NABP1: variants seen among roughly 807,000 people sequenced by gnomAD.
The protein encoded by NABP1 is SOSS complex subunit B2.
A neutral mutation model predicts 25.0 loss-of-function variants in NABP1; 18 were observed. The observed-to-expected ratio is 0.72, with a 90% CI of 0.50 to 1.07. The LOEUF (loss-of-function observed/expected upper bound fraction) is 1.07. Ranked by LOEUF, NABP1 falls within the 50% of genes least tolerant of loss-of-function variation. The pLI is 0.00. For synonymous variants in NABP1, 71 were observed against 85.0 expected (o/e 0.84, Z 0.91); for missense variants, 270 against 255.6 (o/e 1.06, Z -0.39).
rs1270215075 is a variant in NABP1, at chr2:191,682,016, GAGTA to G, written c.302+4_302+7del. 3 of 1,477,606 alleles carry G rather than the reference GAGTA, an allele frequency of 2.0e-6. No homozygotes were observed. The highest frequency in any genetic ancestry group is 2.7e-6 in the Non-Finnish European group (3 of 1,114,452). The allele number at this position is 1,477,606 out of a possible 1,614,324, so 91.5% of individuals were successfully genotyped here. On this transcript the variant is annotated splice_donor_variant and splice_donor_region_variant and coding_sequence_variant and intron_variant, in exon 3 of 6. Transcript: ENST00000425611. LOFTEE classifies it high-confidence loss of function. ...GGGTGGTGAACTTCAAAAAATTGGGGAGTAAGTATTAAAATGCATTTTGTATAAT... is the reference window on the plus strand; with the variant it reads ...GGGTGGTGAACTTCAAAAAATTGGGGAGTATTAAAATGCATTTTGTATAAT...
chr2:191,682,715 T>C (rs570109524), intron 3 of NABP1: 8 of 220,302 alleles, frequency 3.6e-5, no homozygotes, highest in Admixed American at 3.4e-4. Flanking sequence ...ACTTAATGCC[T>C]GTCAAATTGG....
Position 191,679,084 on chromosome 2 carries a change from C to T in NABP1, c.186C>T (p.Ile62=), listed in dbSNP as rs751064773. 2.5e-6 allele frequency: 4 copies of T among 1,614,116 alleles called. No individual in the cohort carries two copies. Among genetic ancestry groups the T allele is most frequent in the African/African-American group, 2.7e-5 (2 of 75,022 alleles). Reference sequence around the variant, plus strand: ...TCACTATTTCCGTGTGGGATGAGATCGGAGGTCTTATACAGCCAGGGGATA... The same window carrying T: ...TCACTATTTCCGTGTGGGATGAGATTGGAGGTCTTATACAGCCAGGGGATA... ...GSITISVWDE[I]GGLIQPGDII... is the part of the protein sequence containing the mutation. Residue 62 remains isoleucine, a synonymous_variant, in exon 2 of 6, where the codon ATC becomes ATT. Coordinates refer to ENST00000425611, the MANE Select transcript of NABP1 (RefSeq NM_001031716.5).
chr2:191,678,942 G>A, intron 1 of NABP1, 48 bp from the exon 2 acceptor site: 2 of 1,613,424 alleles, frequency 1.2e-6, no homozygotes, highest in Non-Finnish European at 1.7e-6. Context: ...CTTTCTGGAT[G>A]TCCTCATTAT....
chr2:191,680,151 C>G (rs1369129986), intron 2 of NABP1, among the ~76,000 whole-genome samples: 1 of 151,888 alleles, frequency 6.6e-6, no homozygotes, highest in Non-Finnish European at 1.5e-5. Context: ...AGAAATTTAC[C>G]AAATTTTTAT....
chr2:191,682,726 A>G, intron 3 of NABP1: 1 of 211,330 alleles, frequency 4.7e-6, no homozygotes, highest in Non-Finnish European at 1.0e-5. Flanking sequence ...GTCAAATTGG[A>G]AGATATTTAA....
Position 191,678,530 on chromosome 2 carries a change from T to A in NABP1, c.-85T>A. 1.1e-6 allele frequency: 1 copy of A among 938,140 alleles called. No individual in the cohort carries two copies. The highest frequency in any genetic ancestry group is 1.6e-6 in the Non-Finnish European group (1 of 630,384). The allele number at this position is 938,140 out of a possible 1,614,324, so 58.1% of individuals were successfully genotyped here. A position where few individuals can be genotyped will look rare whatever the true frequency, so the allele number is the denominator to read the frequency against. On this transcript the variant is annotated 5_prime_UTR_variant, in exon 1 of 6. Transcript: ENST00000425611. The stretch of plus-strand genomic sequence containing the variant: ...CCCTGCCCAAGGTCGCCCCTCTGCC[T>A]TCGCCCCTGTCCCGGGAGGGTGGGA...
At chr2:191,681,568 CATT>C (rs1343792109) in intron 2 of NABP1, among the ~76,000 whole-genome samples, 2 of 152,076 alleles carry the variant, frequency 1.3e-5, no homozygotes, top group African/African-American at 2.4e-5. Context: ...GTAAATGAAA[CATT>C]AGGATGATTT....
At position 191,678,600 on chromosome 2, in the gene NABP1, C is replaced by T. The variant is rs947935923; in HGVS notation, c.-15C>T. Reference sequence around the variant, plus strand: ...CCACTCGCGTCTCCGCAGCCGTAGCCGCGCCTGTCCCAATATGAATAGGGT... The same window carrying T: ...CCACTCGCGTCTCCGCAGCCGTAGCTGCGCCTGTCCCAATATGAATAGGGT... On this transcript the variant is annotated 5_prime_UTR_variant, in exon 1 of 6. Transcript: ENST00000425611. 6.3e-7 allele frequency: 1 copy of T among 1,597,884 alleles called. No individual in the cohort carries two copies. Among genetic ancestry groups the T allele is most frequent in the Non-Finnish European group, 8.6e-7 (1 of 1,168,484 alleles).
rs1399760988 is a variant in NABP1 at position 191,686,321 on chromosome 2, A to G, written c.*553A>G. 6.6e-6 allele frequency: 1 copy of G among 152,302 alleles called. No homozygotes were observed. Among genetic ancestry groups the G allele is most frequent in the African/African-American group, 2.4e-5 (1 of 41,462 alleles). The allele number at this position is 152,302 out of a possible 1,614,324, so 9.4% of individuals were successfully genotyped here. A position where few individuals can be genotyped will look rare whatever the true frequency, so the allele number is the denominator to read the frequency against. On this transcript the variant is annotated 3_prime_UTR_variant, in exon 6 of 6. Transcript: ENST00000425611. ...CCAAATTTTTGTTGTATTACCAAAA[A>G]AACAGATTCCTTATCAGAATTTGGA...
chr2:191,678,925 A>T (rs1279664715), intron 1 of NABP1, 65 bp from the exon 2 acceptor site: 5 of 1,604,406 alleles, frequency 3.1e-6, no homozygotes, highest in African/African-American at 2.7e-5. Flanking sequence ...CCGGAGGAGG[A>T]GTTAGCCTTT....
chr2:191,678,639 A>G lies in NABP1; in HGVS notation c.25A>G (p.Ile9Val). 2.5e-6 allele frequency: 4 copies of G among 1,613,446 alleles called. No homozygotes were observed. The highest frequency in any genetic ancestry group is 3.4e-6 in the Non-Finnish European group (4 of 1,179,774). MNRVNDPL[I>V]FIRDIKPGLK... ...TATGAATAGGGTCAACGACCCACTT[A>G]TTTTTATAAGAGATATTAAGCCCGG... The change falls in exon 1 of 6, where the codon ATT (isoleucine) becomes GTT (valine). Residue 9 changes from isoleucine (I) to valine (V), a missense_variant. Coordinates refer to ENST00000425611, the MANE Select transcript of NABP1 (RefSeq NM_001031716.5).
chr2:191,678,821 A>T, intron 1 of NABP1, 116 bp downstream of exon 1: 2 of 589,524 alleles, frequency 3.4e-6, no homozygotes, highest in Non-Finnish European at 5.6e-6. Context: ...TCCCCCACCC[A>T]CGTGGCTCTA....
At chr2:191,684,385 C>G in intron 5 of NABP1, 89 bp downstream of exon 5, 2 of 850,578 alleles carry the variant, frequency 2.4e-6, no homozygotes, top group Non-Finnish European at 3.4e-6. Flanking sequence ...CGTCTTTAGG[C>G]ATAAATTAGT....
chr2:191,678,515 G>T lies in NABP1; in HGVS notation c.-100G>T, dbSNP rs1253958648. 1.5e-5 allele frequency: 11 copies of T among 712,834 alleles called. No homozygotes were observed. The highest frequency in any genetic ancestry group is 2.5e-5 in the Non-Finnish European group (11 of 448,106). 44.2% of individuals were successfully genotyped at this position (712,834 alleles called of 1,614,324 possible). ...CCCTTCTCTCGCCACCCCTGCCCAA[G>T]GTCGCCCCTCTGCCTTCGCCCCTGT... On this transcript the variant is annotated 5_prime_UTR_variant, in exon 1 of 6. The change creates a new upstream start codon in the 5' untranslated region. Transcript: ENST00000425611.
intron 1 of NABP1, 71 bp downstream of exon 1, chr2:191,678,776 C>T: frequency 2.1e-6 from 3 of 1,448,668 alleles, no homozygotes; most frequent in Non-Finnish European, 2.8e-6. Flanking sequence ...GCGCCGGCCG[C>T]TGCGCGCCCG....
Position 191,682,026 on chromosome 2 carries a change from T to TAA in NABP1, c.302+12_302+13dup, listed in dbSNP as rs1687701639. 7.0e-7 allele frequency: 1 copy of TAA among 1,437,320 alleles called. No homozygotes were observed. 89.0% of individuals were successfully genotyped at this position (1,437,320 alleles called of 1,614,324 possible). On this transcript the variant is annotated intron_variant, in intron 3 of 5. Transcript: ENST00000425611. ...CTTCAAAAAATTGGGGAGTAAGTAT[T>TAA]AAAATGCATTTTGTATAATTGCATA...
chr2:191,685,653 G>A lies in NABP1; in HGVS notation c.500G>A (p.Gly167Asp). Residue 167 changes from glycine to aspartate, a missense_variant, in exon 6 of 6, where the codon GGC (glycine) becomes GAC (aspartate). Transcript: ENST00000425611. ...ESREHQFSHA[G>D]RSNGRGLINP... Reference sequence around the variant, plus strand: ...AGGGAACACCAGTTTTCACATGCTGGCAGAAGCAATGGCCGGGGACTTATA... The same window carrying A: ...AGGGAACACCAGTTTTCACATGCTGACAGAAGCAATGGCCGGGGACTTATA... 1 of 1,613,906 alleles carries A rather than the reference G, an allele frequency of 6.2e-7. No homozygotes were observed. The highest frequency in any genetic ancestry group is 8.5e-7 in the Non-Finnish European group (1 of 1,179,922).
rs1687741505 is a variant in NABP1 at position 191,683,636 on chromosome 2, T to G, written c.303-93T>G. 19 of 875,202 alleles carry G rather than the reference T, an allele frequency of 2.2e-5. No homozygotes were observed. In the Admixed American group the frequency reaches 4.6e-4, roughly 21 times the overall value. 54.2% of individuals were successfully genotyped at this position (875,202 alleles called of 1,614,324 possible). ...TGTTGCTATTAATTTGTTTGACACA[T>G]AAGTTCATTCCTAAAAGTTAGAGAT... On this transcript the variant is annotated intron_variant, in intron 3 of 5. Transcript: ENST00000425611. This position sits in a 1 kb window ranked among gnomAD's most constrained non-coding sequence, Gnocchi z 4.1.
chr2:191,682,098 A>G, intron 3 of NABP1, 81 bp downstream of exon 3: 1 of 879,124 alleles, frequency 1.1e-6, no homozygotes, highest in Non-Finnish European at 1.6e-6. Context: ...TGAATTGTAA[A>G]CCTCTTTGGC....
Sources: allele counts gnomAD v4.1 joint callset (sites outside exome capture counted in the v4.1 genomes callset), GRCh38; gene constraint gnomAD v4.1.1; non-coding constraint Gnocchi (gnomAD v3.1); transcripts MANE v1.5; gene names NCBI Gene and HGNC (gene_info 2026-07-23, HGNC 2026-07-21).